Variants in DMAC2L observed in about 807,000 individuals in gnomAD.
The protein encoded by DMAC2L is distal membrane arm assembly component 2 like.
Under a neutral mutation model 22.5 loss-of-function variants are expected in DMAC2L, and 21 were observed. The ratio of observed to expected loss-of-function variants is 0.93; its 90% CI spans 0.66 to 1.34. The LOEUF is 1.34. DMAC2L is among the 40% of genes most tolerant of loss of function. The pLI is 0.00. For missense variants in DMAC2L, 239 were observed against 246.5 expected, an observed-to-expected ratio of 0.97 and a Z score of 0.20; for synonymous variants, 86 against 89.5, an observed-to-expected ratio of 0.96 and a Z score of 0.22.
At chr14:50,312,611 C>G (rs911892876) in intron 1 of DMAC2L, 3 of 277,652 alleles carry the variant, frequency 1.1e-5, no homozygotes, top group Non-Finnish European at 2.0e-5. Context: ...TCTTCCGGCT[C>G]GCCCTCGGCC....
In DMAC2L at chr14:50,327,864, C is replaced by G. The variant is rs1248707539; in HGVS notation, c.*2141C>G. 6.6e-6 allele frequency: 1 copy of G among 152,028 alleles called. No homozygotes were observed. The highest frequency in any genetic ancestry group is 2.1e-4 in the South Asian group (1 of 4,822). 9.4% of individuals were successfully genotyped at this position (152,028 alleles called of 1,614,324 possible). A position where few individuals can be genotyped will look rare whatever the true frequency, so the allele number is the denominator to read the frequency against. On this transcript the variant is annotated 3_prime_UTR_variant, in exon 6 of 6. Transcript: ENST00000557421. ...TGTTTAACAATGTTGTGTTTAACAG[C>G]TTATACAAATAACACAGTATAAATG...
intron 2 of DMAC2L, among the ~76,000 whole-genome samples, chr14:50,316,753 G>A (rs1169887654): frequency 6.6e-6 from 1 of 152,268 alleles, no homozygotes; most frequent in East Asian, 1.9e-4. Context: ...ATTGGTGTAT[G>A]TGCCTATTTT....
At chr14:50,312,098 A>C (rs2275591), upstream of DMAC2L, 921,307 of 1,605,690 alleles carry the variant, frequency 0.57, 264,691 homozygotes, top group East Asian at 0.61. Context: ...ACCGGCGAAA[A>C]GCCCGCGGGC....
At chr14:50,320,533 C>T (rs1255410043) in intron 2 of DMAC2L, among the ~76,000 whole-genome samples, 1 of 152,220 alleles carries the variant, frequency 6.6e-6, no homozygotes, top group Non-Finnish European at 1.5e-5. Context: ...AATAACATGC[C>T]TTAAATGTTC....
intron 2 of DMAC2L, 168 bp from the exon 3 acceptor site, chr14:50,321,315 C>CA (rs1475826715): frequency 7.7e-7 from 1 of 1,300,520 alleles, no homozygotes; most frequent in East Asian, 3.0e-5. Flanking sequence ...TTGCAGCAAA[C>CA]AAATAAAAAA....
chr14:50,311,935 G>C, upstream of DMAC2L: 18 of 1,525,612 alleles, frequency 1.2e-5, no homozygotes, highest in Non-Finnish European at 1.6e-5. Flanking sequence ...AATACGAACA[G>C]GGGCACAGGT....
intron 1 of DMAC2L, chr14:50,312,866 TATTC>T: frequency 1.4e-6 from 1 of 729,268 alleles, no homozygotes; most frequent in South Asian, 1.7e-5. Flanking sequence ...CTGGCGGTGC[TATTC>T]ATTCAGTCAT....
intron 3 of DMAC2L, 121 bp from the exon 4 acceptor site, chr14:50,322,390 C>A: frequency 4.2e-6 from 4 of 951,986 alleles, no homozygotes; most frequent in East Asian, 2.9e-5. Flanking sequence ...ACTAATTTAT[C>A]TTCCTCGTCA....
At chr14:50,318,005 A>G (rs539386867) in intron 2 of DMAC2L, among the ~76,000 whole-genome samples, 1 of 152,152 alleles carries the variant, frequency 6.6e-6, no homozygotes, top group East Asian at 1.9e-4. Flanking sequence ...TGAGATGATC[A>G]TGTGATTTTT....
At chr14:50,319,408 C>T (rs1331711376) in intron 2 of DMAC2L, 10 of 1,449,740 alleles carry the variant, frequency 6.9e-6, no homozygotes, top group Non-Finnish European at 9.3e-6. Flanking sequence ...TCTTTCTAGT[C>T]CTCTTCTTTC....
chr14:50,317,826 A>G (rs2031940877), intron 2 of DMAC2L, among the ~76,000 whole-genome samples: 1 of 151,374 alleles, frequency 6.6e-6, no homozygotes, highest in Non-Finnish European at 1.5e-5. Context: ...ATCTTGTTCC[A>G]ATTCTTGGAG....
intron 1 of DMAC2L, chr14:50,312,900 G>A (rs906893790): frequency 2.0e-6 from 2 of 1,001,308 alleles, no homozygotes; most frequent in African/African-American, 3.2e-5. Context: ...TTGTAAATAT[G>A]GAGCGCCTGC....
At chr14:50,320,720 A>G (rs2032193795) in intron 2 of DMAC2L, among the ~76,000 whole-genome samples, 1 of 152,168 alleles carries the variant, frequency 6.6e-6, no homozygotes, top group South Asian at 2.1e-4. Context: ...GCTCAAAGCA[A>G]ACACCATGTT....
chr14:50,315,406 G>A (rs879346963), intron 2 of DMAC2L, among the ~76,000 whole-genome samples: 39 of 151,144 alleles, frequency 2.6e-4, no homozygotes, highest in Non-Finnish European at 5.2e-4. Flanking sequence ...GCTCACGCCT[G>A]TAATCCCAGC....
intron 2 of DMAC2L, among the ~76,000 whole-genome samples, chr14:50,320,983 G>GT (rs1056779019): frequency 6.6e-6 from 1 of 152,130 alleles, no homozygotes; most frequent in East Asian, 1.9e-4. Flanking sequence ...CCTTAAAACA[G>GT]TTTTTTTGTT....
chr14:50,326,820 C>A lies in DMAC2L; in HGVS notation c.*1097C>A, dbSNP rs1595230038. ...CTTTGGGAGGCTGAGGTGGGAGGATCACTTGAGACCAGGAGTTTGAGACCA... is the reference window on the plus strand; with the variant it reads ...CTTTGGGAGGCTGAGGTGGGAGGATAACTTGAGACCAGGAGTTTGAGACCA... On this transcript the variant is annotated 3_prime_UTR_variant, in exon 6 of 6. Coordinates refer to ENST00000557421, the MANE Select transcript of DMAC2L (RefSeq NM_001382507.1). 5.4e-6 allele frequency: 5 copies of A among 929,418 alleles called. No homozygotes were observed. Among genetic ancestry groups the A allele is most frequent in the Non-Finnish European group, 6.4e-6 (5 of 779,150 alleles). The allele number at this position is 929,418 out of a possible 1,614,324, so 57.6% of individuals were successfully genotyped here. A position where few individuals can be genotyped will look rare whatever the true frequency, so the allele number is the denominator to read the frequency against.
chr14:50,322,500 C>T lies in DMAC2L; in HGVS notation c.108-11C>T, dbSNP rs1166344612. The T allele has an allele frequency of 1.9e-6, 3 of 1,577,758 alleles. No homozygotes were observed. Among genetic ancestry groups the T allele is most frequent in the Admixed American group, 1.8e-5 (1 of 54,870 alleles). On this transcript the variant is annotated splice_polypyrimidine_tract_variant and intron_variant, in intron 3 of 5. Coordinates refer to ENST00000557421, the MANE Select transcript of DMAC2L (RefSeq NM_001382507.1). The stretch of plus-strand genomic sequence containing the variant: ...TGTAAAAGCAAACTGCTTTTTTTCT[C>T]TTGCCAACAGGGTGGATTATGATCG...
rs1317232833 is a variant in DMAC2L, at chr14:50,325,744, T to G, written c.*21T>G. 6.3e-7 allele frequency: 1 copy of G among 1,596,352 alleles called. No homozygotes were observed. Among genetic ancestry groups the G allele is most frequent in the South Asian group, 1.1e-5 (1 of 88,454 alleles). On this transcript the variant is annotated 3_prime_UTR_variant, in exon 6 of 6. Transcript: ENST00000557421. ...AGTAAAATAATGTGTCTTATTTCAG[T>G]ATAAAGGATCATTTGAAACTGTTGA...
upstream of DMAC2L, chr14:50,312,090 C>T (rs772633017): frequency 1.2e-6 from 2 of 1,606,810 alleles, no homozygotes; most frequent in Admixed American, 3.4e-5. Context: ...GGGGAGCCAC[C>T]GGCGAAAAGC....
Sources: gnomAD v4.1 joint callset for allele counts (sites outside exome capture counted in the v4.1 genomes callset) on GRCh38, gnomAD v4.1.1 for gene constraint, MANE v1.5 for transcripts, NCBI Gene and HGNC (gene_info 2026-07-23, HGNC 2026-07-21) for gene names.